The following NCOR2 variants were observed in gnomAD, a reference collection of about 807,000 sequenced individuals.
The protein encoded by NCOR2 is CTG repeat protein 26.
A neutral mutation model predicts 262.9 loss-of-function variants in NCOR2; 81 were observed. The observed-to-expected ratio is 0.31, with a 90% confidence interval of 0.26 to 0.37. NCOR2 has a LOEUF of 0.37. Among genes scored for constraint, NCOR2 ranks in the 10% least tolerant of loss-of-function variants. The pLI is 1.00. For missense variants in NCOR2, 3,385 were observed against 3,621.4 expected, an observed-to-expected ratio of 0.93 and a Z score of 1.68; for synonymous variants, 1,659 against 1,559.3, an observed-to-expected ratio of 1.06 and a Z score of -1.51.
intron 37 of NCOR2, among the ~76,000 whole-genome samples, chr12:124,339,793 G>C (rs1437467481): frequency 3.6e-5 from 3 of 83,848 alleles, no homozygotes; most frequent in Non-Finnish European, 6.7e-5. Context: ...ATCCACCCAC[G>C]CAGCTAACCT....
intron 13 of NCOR2, 108 bp downstream of exon 15, chr12:124,419,849 C>T: frequency 9.9e-7 from 1 of 1,005,168 alleles, no homozygotes; most frequent in Non-Finnish European, 1.5e-6. Flanking sequence ...GCAACAACAA[C>T]TCATGGAGAC....
intron 8 of NCOR2, 96 bp from the exon 11 acceptor site, chr12:124,430,883 C>T (rs943766577): frequency 4.4e-5 from 63 of 1,435,404 alleles, no homozygotes; most frequent in South Asian, 2.8e-4. Flanking sequence ...CACACAGGTG[C>T]GTGCGCACAC....
At chr12:124,433,866 AC>A (rs1237580153) in intron 8 of NCOR2, among the ~76,000 whole-genome samples, 3 of 64,730 alleles carry the variant, frequency 4.6e-5, no homozygotes, top group African/African-American at 1.5e-4. Flanking sequence ...ACACACACAC[AC>A]ACACACACAC....
rs1325118216 is a variant in NCOR2 at position 124,483,243 on chromosome 12, C to T, written c.411+353G>A. ...ACCACAGGACGGTCCTGACCCCCAT[C>T]GAATGGCAGCTCTCTGCTCCACGGC... On this transcript the variant is annotated intron_variant, in intron 3 of 46. Transcript: ENST00000405201. This position sits in a 1 kb window ranked among gnomAD's most constrained non-coding sequence, Gnocchi z 6.3. Among the ~76,000 whole-genome samples, 2 of 152,090 alleles carry T rather than the reference C, an allele frequency of 1.3e-5. No homozygotes were observed. The highest frequency in any genetic ancestry group is 2.9e-5 in the Non-Finnish European group (2 of 68,000).
intron 7 of NCOR2, among the ~76,000 whole-genome samples, chr12:124,438,944 G>A (rs1345182605): frequency 1.3e-5 from 2 of 150,456 alleles, no homozygotes; most frequent in African/African-American, 4.9e-5. Context: ...GAGACAGAGG[G>A]AGAGAGAGAC....
At chr12:124,558,185 T>A (rs968409078) in intron 1 of NCOR2, among the ~76,000 whole-genome samples, 1 of 151,682 alleles carries the variant, frequency 6.6e-6, no homozygotes, top group African/African-American at 2.4e-5. Flanking sequence ...CCCCTGTGGG[T>A]CTGGGCCTCT....
At chr12:124,479,143 G>A (rs578198136) in intron 3 of NCOR2, among the ~76,000 whole-genome samples, 11 of 152,318 alleles carry the variant, frequency 7.2e-5, no homozygotes, top group East Asian at 3.9e-4. Flanking sequence ...GAGACAAAAC[G>A]CGCACCTGGG....
At chr12:124,402,512 G>GGCTGCTGCGGCT in exon 14 of NCOR2, 2 of 1,459,254 alleles carry the variant, frequency 1.4e-6, no homozygotes, top group South Asian at 1.2e-5. Context: ...GCGGGGCATG[G>GGCTGCTGCGGCT]GCTGCTGCTG....
intron 37 of NCOR2, among the ~76,000 whole-genome samples, chr12:124,338,735 C>G (rs116383736): frequency 6.6e-6 from 1 of 151,958 alleles, no homozygotes. Context: ...TCCTCACAGT[C>G]CCCATTCAGT....
intron 1 of NCOR2, among the ~76,000 whole-genome samples, chr12:124,490,254 C>G (rs533739408): frequency 1.8e-4 from 28 of 152,320 alleles, no homozygotes; most frequent in South Asian, 8.3e-4. Flanking sequence ...CTGGGCTCCC[C>G]CAACCTCAGC....
intron 1 of NCOR2, among the ~76,000 whole-genome samples, chr12:124,541,902 A>G (rs887866192): frequency 9.6e-4 from 6 of 6,224 alleles, no homozygotes; most frequent in African/African-American, 2.6e-3. Context: ...CTGGAGGGGG[A>G]GGGGGTGGAG....
chr12:124,345,538 A>C (rs1054987408), intron 31 of NCOR2, among the ~76,000 whole-genome samples: 4 of 152,204 alleles, frequency 2.6e-5, no homozygotes, highest in African/African-American at 9.7e-5. Context: ...CTTCGGAGAC[A>C]CTTGATATGG....
intron 20 of NCOR2, among the ~76,000 whole-genome samples, chr12:124,366,958 AAAT>A (rs145232491): frequency 1.7e-3 from 253 of 152,362 alleles, no homozygotes; most frequent in African/African-American, 5.6e-3. Context: ...TGAACAGTAA[AAAT>A]AATATTTTTA....
intron 14 of NCOR2, among the ~76,000 whole-genome samples, chr12:124,401,360 TC>T (rs1169902593): frequency 6.6e-6 from 1 of 152,224 alleles, no homozygotes; most frequent in Non-Finnish European, 1.5e-5. Context: ...AAGGCTACTT[TC>T]TTCTGGGCTG....
intron 16 of NCOR2, among the ~76,000 whole-genome samples, chr12:124,390,673 C>T (rs937013565): frequency 4.6e-5 from 7 of 152,240 alleles, no homozygotes; most frequent in Admixed American, 4.6e-4. Flanking sequence ...TTTAGCTCTG[C>T]AGGGGGCCCC....
Position 124,548,735 on chromosome 12 carries a change from A to C in NCOR2, c.-164-13124T>G, listed in dbSNP as rs1026250912. Among the ~76,000 whole-genome samples the C allele has an allele frequency of 7.9e-5, 12 of 151,920 alleles. No individual in the cohort carries two copies. The highest frequency in any genetic ancestry group is 3.3e-4 in the Admixed American group (5 of 15,250). On this transcript the variant is annotated intron_variant, in intron 1 of 32. Coordinates refer to the NCOR2 transcript ENST00000458234. This position sits in a 1 kb window ranked among gnomAD's most constrained non-coding sequence, Gnocchi z 5.1. ...TTTTTGGCTGCCCCATGACTGGCTC[A>C]TGGCCTTTGGGACAGTCCTACTCCA...
chr12:124,412,888 C>T lies in NCOR2; in HGVS notation c.1482+7069G>A, dbSNP rs548063796. On this transcript the variant is annotated intron_variant, in intron 13 of 46. Transcript: ENST00000405201. ...ACATCTGAGGACTCAGACTGGGACA[C>T]GTCCCCTCACAAAGCAGACCTTGGC... Among the ~76,000 whole-genome samples the T allele has an allele frequency of 5.4e-4, 83 of 152,338 alleles. No homozygotes were observed. The South Asian group carries it at 9.3e-3, about 17-fold the overall frequency.
chr12:124,415,519 G>A (rs1188482250), intron 13 of NCOR2, among the ~76,000 whole-genome samples: 2 of 152,228 alleles, frequency 1.3e-5, no homozygotes, highest in African/African-American at 4.8e-5. Flanking sequence ...TGTGGGGGGT[G>A]GCAGGGCCCA....
chr12:124,543,307 G>A (rs1224462880), intron 1 of NCOR2, among the ~76,000 whole-genome samples: 1 of 152,326 alleles, frequency 6.6e-6, no homozygotes, highest in East Asian at 1.9e-4. Context: ...ACTGACACCG[G>A]GCATAGCGAC....
Sources: gnomAD v4.1 joint callset for allele counts (sites outside exome capture counted in the v4.1 genomes callset) on GRCh38, gnomAD v4.1.1 for gene constraint, Gnocchi (gnomAD v3.1) non-coding constraint, MANE v1.5 for transcripts, NCBI Gene and HGNC (gene_info 2026-07-23, HGNC 2026-07-21) for gene names.